Variants in USP31 observed in about 807,000 individuals in gnomAD.
The protein encoded by USP31 is ubiquitin specific peptidase 31, also known as ubiquitin carboxyl-terminal hydrolase 31.
In USP31, 44 loss-of-function variants were observed where a neutral mutation model predicts 119.4. The observed-to-expected ratio is 0.37, with a 90% confidence interval of 0.29 to 0.47. USP31 has a LOEUF of 0.47. Among genes scored for constraint, USP31 ranks in the 20% least tolerant of loss-of-function variants. The pLI is 0.99. For missense variants in USP31, 1,643 were observed against 1,730.2 expected, an observed-to-expected ratio of 0.95 and a Z score of 0.89; for synonymous variants, 749 against 705.6, an observed-to-expected ratio of 1.06 and a Z score of -0.97.
intron 13 of USP31, 138 bp from the exon 14 acceptor site, chr16:23,074,018 T>TAA: frequency 8.6e-7 from 1 of 1,159,216 alleles, no homozygotes; most frequent in Non-Finnish European, 1.2e-6. Context: ...AGAAAGAGAT[T>TAA]AAAAAAAAAT....
chr16:23,080,528 G>A (rs1900774769), intron 12 of USP31, among the ~76,000 whole-genome samples: 2 of 152,158 alleles, frequency 1.3e-5, no homozygotes, highest in Non-Finnish European at 2.9e-5. Context: ...CTAATGATGT[G>A]ATGGCTCCAT....
intron 6 of USP31, among the ~76,000 whole-genome samples, chr16:23,098,695 A>G (rs1901722047): frequency 6.6e-6 from 1 of 152,236 alleles, no homozygotes; most frequent in Admixed American, 6.5e-5. Flanking sequence ...GATCTTTGAC[A>G]AACCTGACAA....
At chr16:23,076,699 T>G (rs1271663560) in intron 13 of USP31, among the ~76,000 whole-genome samples, 1 of 152,238 alleles carries the variant, frequency 6.6e-6, no homozygotes, top group Non-Finnish European at 1.5e-5. Flanking sequence ...TAGCCCTGTC[T>G]TATTCTTCCC....
intron 1 of USP31, among the ~76,000 whole-genome samples, chr16:23,115,274 C>T (rs187501849): frequency 2.6e-5 from 4 of 152,234 alleles, no homozygotes; most frequent in African/African-American, 4.8e-5. Context: ...TGTATGTTTG[C>T]AGTTTTGAAA....
chr16:23,062,277 C>T lies in USP31; in HGVS notation c.*5769G>A, dbSNP rs1362174597. On this transcript the variant is annotated 3_prime_UTR_variant, in exon 16 of 16. Coordinates refer to ENST00000219689, the MANE Select transcript of USP31 (RefSeq NM_020718.4). The stretch of plus-strand genomic sequence containing the variant: ...AAATTTTATTTGCCTCCACAGTTAA[C>T]ACAGAGTGCCAAATTCTGGGATGTG... 6.6e-6 allele frequency: 1 copy of T among 152,182 alleles called. No homozygotes were observed. The highest frequency in any genetic ancestry group is 1.5e-5 in the Non-Finnish European group (1 of 68,004). 9.4% of individuals were successfully genotyped at this position (152,182 alleles called of 1,614,324 possible).
intron 1 of USP31, among the ~76,000 whole-genome samples, chr16:23,134,590 AG>A (rs1258758523): frequency 6.6e-6 from 1 of 152,080 alleles, no homozygotes; most frequent in African/African-American, 2.4e-5. Context: ...CAAACCTTAA[AG>A]GAAATCCTCA....
At position 23,139,506 on chromosome 16, in the gene USP31, T is replaced by A. The variant is rs1159747441; in HGVS notation, c.633+9132A>T. Among the ~76,000 whole-genome samples the A allele has an allele frequency of 2.6e-5, 4 of 152,222 alleles. No homozygotes were observed. In the East Asian group the frequency reaches 7.7e-4, roughly 29 times the overall value. On this transcript the variant is annotated intron_variant, in intron 1 of 15. Transcript: ENST00000219689. Reference sequence around the variant, plus strand: ...TAGTCAAACTGTAAAGCAAACCAGGTGTCATGACTCTGCCTTCCTGGTTTT... The same window carrying A: ...TAGTCAAACTGTAAAGCAAACCAGGAGTCATGACTCTGCCTTCCTGGTTTT...
chr16:23,076,471 T>C (rs927980489), intron 13 of USP31, among the ~76,000 whole-genome samples: 4 of 152,076 alleles, frequency 2.6e-5, no homozygotes, highest in Non-Finnish European at 5.9e-5. Flanking sequence ...TCCTGGGTAA[T>C]GGGTTCCTTG....
At chr16:23,131,864 A>G (rs1186268478) in intron 1 of USP31, among the ~76,000 whole-genome samples, 1 of 152,216 alleles carries the variant, frequency 6.6e-6, no homozygotes, top group Non-Finnish European at 1.5e-5. Flanking sequence ...ACCAAGAATT[A>G]AAGCCAAAAC....
rs779545469 is a variant in USP31, at chr16:23,067,288, A to T, written c.*758T>A. On this transcript the variant is annotated 3_prime_UTR_variant, in exon 16 of 16. Coordinates refer to ENST00000219689, the MANE Select transcript of USP31 (RefSeq NM_020718.4). ...TCCAATCTGCCACTTCCTAGGACCT[A>T]TCCCAAGAGTCAAGACAGGTTTTGG... The T allele has an allele frequency of 6.6e-6, 1 of 152,664 alleles. No homozygotes were observed. The highest frequency in any genetic ancestry group is 1.5e-5 in the Non-Finnish European group (1 of 68,042). The allele number at this position is 152,664 out of a possible 1,614,324, so 9.5% of individuals were successfully genotyped here.
intron 8 of USP31, 140 bp from the exon 9 acceptor site, chr16:23,087,326 G>T: frequency 1.4e-6 from 1 of 700,494 alleles, no homozygotes; most frequent in Non-Finnish European, 2.4e-6. Context: ...CTATAAGGTT[G>T]TTGAGCCACT....
intron 1 of USP31, among the ~76,000 whole-genome samples, chr16:23,121,705 A>G (rs1324724832): frequency 6.6e-6 from 1 of 152,194 alleles, no homozygotes; most frequent in African/African-American, 2.4e-5. Flanking sequence ...ATGAAATGCT[A>G]TTTTCTACTT....
intron 1 of USP31, among the ~76,000 whole-genome samples, chr16:23,112,595 TA>T (rs112148052): frequency 1.1e-4 from 17 of 148,512 alleles, no homozygotes; most frequent in East Asian, 9.8e-4. Context: ...AATAATAATT[TA>T]AAAAAAAAAA....
At chr16:23,092,298 C>G (rs188809125) in intron 6 of USP31, among the ~76,000 whole-genome samples, 2 of 152,266 alleles carry the variant, frequency 1.3e-5, no homozygotes, top group East Asian at 3.9e-4. Flanking sequence ...TAGTGTTAAC[C>G]CTAAGCAACT....
intron 7 of USP31, among the ~76,000 whole-genome samples, chr16:23,090,025 G>C (rs1340736683): frequency 6.6e-6 from 1 of 152,198 alleles, no homozygotes; most frequent in African/African-American, 2.4e-5. Flanking sequence ...GAAAGTAGCT[G>C]GAAATGGGTC....
chr16:23,099,055 AT>A (rs1901736800), intron 6 of USP31, among the ~76,000 whole-genome samples: 1 of 152,166 alleles, frequency 6.6e-6, no homozygotes. Context: ...ATGGGAGAAA[AT>A]TTTTGCAATC....
chr16:23,108,118 C>A lies in USP31; in HGVS notation c.699G>T (p.Leu233=). 1 of 1,614,010 alleles carries A rather than the reference C, an allele frequency of 6.2e-7. No homozygotes were observed. Among genetic ancestry groups the A allele is most frequent in the Non-Finnish European group, 8.5e-7 (1 of 1,179,928 alleles). Residue 233 remains leucine (L), a synonymous_variant, in exon 2 of 16, where the codon CTG becomes CTT. Coordinates refer to ENST00000219689, the MANE Select transcript of USP31 (RefSeq NM_020718.4). ...CATGAACTCGGTCCAAAAGCCACAG[C>A]AGAAACTCCTGGGCATCATGTTGGG... ...GNSQHDAQEF[L]LWLLDRVHED...
intron 1 of USP31, among the ~76,000 whole-genome samples, chr16:23,113,776 G>C (rs554978029): frequency 4.6e-5 from 7 of 152,126 alleles, no homozygotes; most frequent in Admixed American, 2.0e-4. Flanking sequence ...CACAGGCTAA[G>C]GGAAGAGCTA....
At chr16:23,119,748 A>AT (rs1902607309) in intron 1 of USP31, among the ~76,000 whole-genome samples, 1 of 152,250 alleles carries the variant, frequency 6.6e-6, no homozygotes, top group Admixed American at 6.5e-5. Context: ...ATAAGGAGGA[A>AT]TGCAGATGAT....
Sources: gnomAD v4.1 joint callset for allele counts (sites outside exome capture counted in the v4.1 genomes callset) on GRCh38, gnomAD v4.1.1 for gene constraint, MANE v1.5 for transcripts, NCBI Gene and HGNC (gene_info 2026-07-23, HGNC 2026-07-21) for gene names.